IL1RAPL1: variants seen among roughly 807,000 people sequenced by gnomAD.
The protein encoded by IL1RAPL1 is interleukin 1 receptor accessory protein like 1.
Under a neutral mutation model 48.4 loss-of-function variants are expected in IL1RAPL1, and 3 were observed. The observed-to-expected ratio is 0.06, with a 90% CI of 0.03 to 0.16. IL1RAPL1 has a LOEUF of 0.16. Ranked by LOEUF, IL1RAPL1 falls within the 10% of genes least tolerant of loss-of-function variation. The pLI is 1.00. For synonymous variants in IL1RAPL1, 185 were observed against 187.7 expected, an observed-to-expected ratio of 0.99 and a Z score of 0.12; for missense variants, 349 against 530.6, an observed-to-expected ratio of 0.66 and a Z score of 3.36.
intron 2 of IL1RAPL1, among the ~76,000 whole-genome samples, chrX:29,166,593 T>A (rs1027198694): frequency 8.9e-6 from 1 of 112,191 alleles, no homozygotes; most frequent in African/African-American, 3.2e-5. Context: ...AATTTTAAAT[T>A]TTTTGTTTAA....
chrX:29,705,580 C>A (rs1342015351), intron 6 of IL1RAPL1, among the ~76,000 whole-genome samples: 1 of 112,285 alleles, frequency 8.9e-6, no homozygotes, highest in Admixed American at 9.4e-5. Context: ...TTTTCATAAT[C>A]CCATTTTACA....
rs187019185 is a variant in IL1RAPL1 at position 28,973,587 on chromosome X, A to G, written c.82+184162A>G. Among the ~76,000 whole-genome samples, 6 of 111,940 alleles carry G rather than the reference A, an allele frequency of 5.4e-5. No individual in the cohort carries two copies. The East Asian group carries it at 1.4e-3, about 26-fold the overall frequency. ...GGACTTTCTCTGACTGATTAGGTTA[A>G]TTTGTCAGCTGGACTCACGGTTCTT... On this transcript the variant is annotated intron_variant, in intron 2 of 10. Transcript: ENST00000378993.
chrX:29,396,456 G>A lies in IL1RAPL1; in HGVS notation c.549+12G>A, dbSNP rs200345215. The A allele has an allele frequency of 7.5e-6, 9 of 1,199,453 alleles. No homozygotes were observed. Among genetic ancestry groups the A allele is most frequent in the African/African-American group, 3.5e-5 (2 of 57,217 alleles). ...TCCTTTGGTACAAGGTATGGACTGC[G>A]GGTGGTTCTATTTCCTATTAACAAA... On this transcript the variant is annotated intron_variant, in intron 4 of 10. Transcript: ENST00000378993.
rs35091339 is a variant in IL1RAPL1 at position 29,381,833 on chromosome X, AATATATAT to A, written c.363-14401_363-14394del. 5.4e-3 allele frequency among the ~76,000 whole-genome samples: 136 copies of A among 25,369 alleles called. 1 individual carries two copies. Among genetic ancestry groups the A allele is most frequent in the African/African-American group, 7.6e-3 (66 of 8,633 alleles). 22.0% of individuals were successfully genotyped at this position (25,369 alleles called of 115,157 possible). A position where few individuals can be genotyped will look rare whatever the true frequency, so the allele number is the denominator to read the frequency against. On this transcript the variant is annotated intron_variant, in intron 3 of 10. Transcript: ENST00000378993. ...TGTTGCCAAAAAAAAAAAAAAAAAA[AATATATAT>A]ATATATATATATATATATATATACA...
At chrX:29,542,731 A>G (rs1177571937) in intron 5 of IL1RAPL1, among the ~76,000 whole-genome samples, 1 of 112,134 alleles carries the variant, frequency 8.9e-6, no homozygotes, top group Non-Finnish European at 1.9e-5. Context: ...TGTTGAGCAT[A>G]TTTGATGCCT....
At chrX:29,523,221 C>T (rs1182712862) in intron 5 of IL1RAPL1, among the ~76,000 whole-genome samples, 2 of 111,365 alleles carry the variant, frequency 1.8e-5, no homozygotes, top group African/African-American at 3.3e-5. Context: ...TGGAAACACA[C>T]GTTCACATAG....
chrX:29,573,942 G>T (rs1282518774), intron 5 of IL1RAPL1, among the ~76,000 whole-genome samples: 1 of 111,461 alleles, frequency 9.0e-6, no homozygotes, highest in Non-Finnish European at 1.9e-5. Context: ...GTGTTCCTAG[G>T]TGCAGGGACT....
intron 1 of IL1RAPL1, among the ~76,000 whole-genome samples, chrX:28,658,806 T>A (rs1018790616): frequency 9.0e-6 from 1 of 111,585 alleles, no homozygotes; most frequent in Non-Finnish European, 1.9e-5. Context: ...GTTGAACCGC[T>A]GAAACTTGTT....
intron 2 of IL1RAPL1, among the ~76,000 whole-genome samples, chrX:29,019,987 G>A (rs1396209024): frequency 8.9e-6 from 1 of 112,305 alleles, no homozygotes; most frequent in African/African-American, 3.2e-5. Flanking sequence ...GAGTTCAGGT[G>A]TCATCACCTA....
chrX:29,198,274 G>T (rs1469546163), intron 2 of IL1RAPL1, among the ~76,000 whole-genome samples: 1 of 110,007 alleles, frequency 9.1e-6, no homozygotes, highest in Non-Finnish European at 1.9e-5. Flanking sequence ...TGGCAAAAAA[G>T]ATTTTAGGTT....
intron 6 of IL1RAPL1, among the ~76,000 whole-genome samples, chrX:29,696,867 G>A (rs982514680): frequency 1.8e-5 from 2 of 109,968 alleles, no homozygotes; most frequent in South Asian, 7.9e-4. Flanking sequence ...CTTGTGCCTC[G>A]GCATAATTTT....
At chrX:28,906,320 G>A (rs1255897125) in intron 2 of IL1RAPL1, among the ~76,000 whole-genome samples, 4 of 112,139 alleles carry the variant, frequency 3.6e-5, no homozygotes, top group East Asian at 2.8e-4. Context: ...AAGAAACCAC[G>A]CAGTTGTCTG....
intron 2 of IL1RAPL1, among the ~76,000 whole-genome samples, chrX:28,867,284 G>A (rs887023976): frequency 4.5e-5 from 5 of 111,596 alleles, no homozygotes; most frequent in Admixed American, 9.6e-5. Context: ...CATGCCTTTC[G>A]TTTTCATATC....
intron 5 of IL1RAPL1, among the ~76,000 whole-genome samples, chrX:29,560,640 T>C (rs1922161450): frequency 8.9e-6 from 1 of 112,235 alleles, no homozygotes; most frequent in Non-Finnish European, 1.9e-5. Flanking sequence ...TCTTCTGCTT[T>C]ATCACGTCTG....
chrX:29,794,543 A>G (rs766154117), intron 6 of IL1RAPL1, among the ~76,000 whole-genome samples: 1 of 108,127 alleles, frequency 9.2e-6, no homozygotes, highest in African/African-American at 3.7e-5. Flanking sequence ...AATTCTGTCA[A>G]ATGTACCAAC....
chrX:29,236,562 T>C (rs1024268721), intron 2 of IL1RAPL1, among the ~76,000 whole-genome samples: 9 of 38,317 alleles, frequency 2.3e-4, no homozygotes, highest in Non-Finnish European at 6.3e-4. Flanking sequence ...TTTTTTTTTT[T>C]TTTTTTTTGA....
At chrX:28,658,209 G>T (rs954295787) in intron 1 of IL1RAPL1, among the ~76,000 whole-genome samples, 14 of 112,120 alleles carry the variant, frequency 1.2e-4, no homozygotes, top group African/African-American at 4.2e-4. Context: ...TCTCTGATTA[G>T]TTTATTTAAT....
intron 2 of IL1RAPL1, among the ~76,000 whole-genome samples, chrX:28,860,403 A>G (rs371138995): frequency 9.1e-6 from 1 of 110,407 alleles, no homozygotes. Context: ...AGCACTCAAC[A>G]TGTATAAGTT....
At chrX:29,846,273 C>T (rs1366172102) in intron 6 of IL1RAPL1, among the ~76,000 whole-genome samples, 1 of 111,146 alleles carries the variant, frequency 9.0e-6, no homozygotes, top group Non-Finnish European at 1.9e-5. Context: ...AATACAGAAA[C>T]CTTACTTGTT....
Sources: allele counts gnomAD v4.1 joint callset (sites outside exome capture counted in the v4.1 genomes callset), GRCh38; gene constraint gnomAD v4.1.1; transcripts MANE v1.5; gene names NCBI Gene and HGNC (gene_info 2026-07-23, HGNC 2026-07-21).